PLB1: variants seen among roughly 807,000 people sequenced by gnomAD.
The protein encoded by PLB1 is phospholipase B1.
A neutral mutation model predicts 227.4 loss-of-function variants in PLB1; 242 were observed. That is an observed-to-expected ratio of 1.06 (90% CI 0.96 to 1.18). The LOEUF (loss-of-function observed/expected upper bound fraction) is 1.18. PLB1 is among the 50% of genes most tolerant of loss of function. PLB1 has a pLI of 0.00. For missense variants in PLB1, 1,858 were observed against 1,816.3 expected, an observed-to-expected ratio of 1.02 and a Z score of -0.42; for synonymous variants, 757 against 682.2, an observed-to-expected ratio of 1.11 and a Z score of -1.71.
chr2:28,611,446 A>C (rs190920601), intron 43 of PLB1, among the ~76,000 whole-genome samples: 1 of 152,102 alleles, frequency 6.6e-6, no homozygotes, highest in Non-Finnish European at 1.5e-5. Flanking sequence ...AATGCCACTG[A>C]GTCTTGTCTC....
chr2:28,633,179 G>T (rs1688880012), intron 56 of PLB1, 140 bp downstream of exon 56: 1 of 652,002 alleles, frequency 1.5e-6, no homozygotes. Flanking sequence ...TATTGGTCCT[G>T]ATAGATTAAT....
At chr2:28,519,637 C>A (rs73922134) in intron 3 of PLB1, 68 bp from the exon 4 acceptor site, 6 of 1,207,446 alleles carry the variant, frequency 5.0e-6, no homozygotes, top group Non-Finnish European at 6.1e-6. Context: ...CTCTCCCATA[C>A]GGTATCCTTG....
chr2:28,584,061 C>A (rs982932863), intron 25 of PLB1, among the ~76,000 whole-genome samples: 2 of 152,194 alleles, frequency 1.3e-5, no homozygotes, highest in East Asian at 1.9e-4. Context: ...CCCTGCCCCC[C>A]AGCTCTGTTA....
chr2:28,620,027 G>A (rs1686802394), intron 46 of PLB1, among the ~76,000 whole-genome samples: 2 of 152,122 alleles, frequency 1.3e-5, no homozygotes, highest in African/African-American at 4.8e-5. Flanking sequence ...AGAAAGGGGC[G>A]GGTGCTAGGG....
intron 53 of PLB1, 76 bp downstream of exon 53, chr2:28,629,261 C>G: frequency 7.3e-7 from 1 of 1,368,848 alleles, no homozygotes; most frequent in East Asian, 2.4e-5. Context: ...AGGAGGAGAC[C>G]AGTTGAGGCA....
At chr2:28,641,991 G>A (rs765156714) in intron 57 of PLB1, among the ~76,000 whole-genome samples, 40 of 151,990 alleles carry the variant, frequency 2.6e-4, no homozygotes, top group Admixed American at 1.9e-3. Context: ...GAAGCCCCAC[G>A]ACTGCCCGCA....
At chr2:28,574,324 C>T (rs1314660952) in intron 21 of PLB1, among the ~76,000 whole-genome samples, 1 of 92,308 alleles carries the variant, frequency 1.1e-5, no homozygotes, top group Non-Finnish European at 2.5e-5. Context: ...AATATGTAAT[C>T]TTTAATCCCT....
rs561725978 is a variant in PLB1 at position 28,591,296 on chromosome 2, C to A, written c.2127+125C>A. 39 of 1,187,780 alleles carry A rather than the reference C, an allele frequency of 3.3e-5. 1 individual carries two copies. In the South Asian group the frequency reaches 4.5e-4, roughly 14 times the overall value. The allele number at this position is 1,187,780 out of a possible 1,614,324, so 73.6% of individuals were successfully genotyped here. A position where few individuals can be genotyped will look rare whatever the true frequency, so the allele number is the denominator to read the frequency against. On this transcript the variant is annotated intron_variant, in intron 30 of 57. Coordinates refer to ENST00000327757, the MANE Select transcript of PLB1 (RefSeq NM_153021.5). ...GTTCTAGATGGGCATAAAGGCCACC[C>A]ACCTGACCTTCAGATGGGGTAGTGG... is the stretch of plus-strand genomic sequence containing the variant.
chr2:28,591,313 G>A lies in PLB1; in HGVS notation c.2127+142G>A, dbSNP rs1681884512. 4 of 1,009,602 alleles carry A rather than the reference G, an allele frequency of 4.0e-6. No individual in the cohort carries two copies. The East Asian group carries it at 7.3e-5, about 18-fold the overall frequency. 62.5% of individuals were successfully genotyped at this position (1,009,602 alleles called of 1,614,324 possible). On this transcript the variant is annotated intron_variant, in intron 30 of 57. Transcript: ENST00000327757. The stretch of plus-strand genomic sequence containing the variant: ...AGGCCACCCACCTGACCTTCAGATG[G>A]GGTAGTGGGCAGAGTAAATGCCGTG...
chr2:28,630,574 C>CCTGT lies in PLB1; in HGVS notation c.3819-9_3819-6dup. ...CCCAGGCAGCCTCAATACAACACTC[C>CCTGT]CTGTCTCACAGGAACAACTGCACTT... On this transcript the variant is annotated splice_polypyrimidine_tract_variant and intron_variant, in intron 53 of 57. Transcript: ENST00000327757. 2 of 1,612,574 alleles carry CCTGT rather than the reference C, an allele frequency of 1.2e-6. No homozygotes were observed. Among genetic ancestry groups the CCTGT allele is most frequent in the South Asian group, 2.2e-5 (2 of 90,834 alleles).
chr2:28,602,902 T>C lies in PLB1; in HGVS notation c.2755T>C (p.Cys919Arg). The change falls in exon 39 of 58, where the codon TGC (cysteine) becomes CGC (arginine). Residue 919 changes from cysteine (C) to arginine (R), a missense_variant. Cys to Arg is a radical substitution (Grantham distance 180). Transcript: ENST00000327757. ...GGTGTTCCTGGGAAACCCAGACAAG[T>C]GCCCAGTGCAGCAGGCCAGGTAGGC... is the stretch of plus-strand genomic sequence containing the variant. ...RQVFLGNPDKCPVQQASVLCN... is the reference protein window; with the variant it reads ...RQVFLGNPDKRPVQQASVLCN... 6.2e-7 allele frequency: 1 copy of C among 1,614,174 alleles called. No homozygotes were observed. Among genetic ancestry groups the C allele is most frequent in the Non-Finnish European group, 8.5e-7 (1 of 1,180,000 alleles).
chr2:28,614,772 C>T (rs1430650586), intron 44 of PLB1, among the ~76,000 whole-genome samples: 1 of 152,136 alleles, frequency 6.6e-6, no homozygotes, highest in Non-Finnish European at 1.5e-5. Context: ...ATGTTAGGGG[C>T]TAGAAGGCAT....
intron 46 of PLB1, 146 bp downstream of exon 46, chr2:28,618,545 C>A: frequency 2.5e-6 from 2 of 786,916 alleles, no homozygotes; most frequent in African/African-American, 1.7e-5. Flanking sequence ...TGAAACACAG[C>A]CAGGAGATGT....
At position 28,557,123 on chromosome 2, in the gene PLB1, C is replaced by T. The variant is rs1675264681; in HGVS notation, c.1147+4132C>T. On this transcript the variant is annotated intron_variant, in intron 17 of 57. Transcript: ENST00000327757. ...TGTGGGAAATAACAGCCTGCTTGTC[C>T]CTGGACACAACCAGGCTACTGAGCG... 2.6e-5 allele frequency among the ~76,000 whole-genome samples: 4 copies of T among 152,174 alleles called. No homozygotes were observed. The South Asian group carries it at 8.3e-4, about 32-fold the overall frequency.
chr2:28,628,762 G>A, intron 52 of PLB1, 134 bp downstream of exon 52: 1 of 890,442 alleles, frequency 1.1e-6, no homozygotes, highest in Admixed American at 2.0e-5. Context: ...AGGGAGGGAG[G>A]TGGCTGTCAA....
intron 1 of PLB1, among the ~76,000 whole-genome samples, chr2:28,513,806 C>T (rs964298761): frequency 4.6e-5 from 7 of 152,176 alleles, no homozygotes; most frequent in African/African-American, 1.4e-4. Context: ...TCAGAAACAT[C>T]CTCTTTTGAG....
chr2:28,518,749 C>A (rs190042173), intron 3 of PLB1, among the ~76,000 whole-genome samples: 1 of 152,274 alleles, frequency 6.6e-6, no homozygotes, highest in East Asian at 1.9e-4. Context: ...TCTTGCCTTC[C>A]TGTGGGTGGA....
At chr2:28,581,504 AATAAAT>A (rs1558821838) in intron 23 of PLB1, among the ~76,000 whole-genome samples, 7 of 131,468 alleles carry the variant, frequency 5.3e-5, no homozygotes, top group African/African-American at 2.2e-4. Flanking sequence ...TAAATAAATA[AATAAAT>A]AAATAAATAA....
intron 46 of PLB1, among the ~76,000 whole-genome samples, chr2:28,619,524 GTT>G (rs1054121256): frequency 3.2e-4 from 15 of 47,208 alleles, no homozygotes; most frequent in Admixed American, 4.2e-4. Context: ...TCAAGGTTTT[GTT>G]TTTTTTTTTT....
Sources: allele counts gnomAD v4.1 joint callset (sites outside exome capture counted in the v4.1 genomes callset), GRCh38; gene constraint gnomAD v4.1.1; transcripts MANE v1.5; gene names NCBI Gene and HGNC (gene_info 2026-07-23, HGNC 2026-07-21).